The following ANK1 variants were observed in gnomAD, a reference collection of about 807,000 sequenced individuals.
ANK1 encodes the protein ankyrin-1.
A neutral mutation model predicts 210.4 loss-of-function variants in ANK1; 51 were observed. That is an observed-to-expected ratio of 0.24 (90% confidence interval 0.19 to 0.31). ANK1 has a LOEUF of 0.31. Ranked by LOEUF, ANK1 falls within the 10% of genes least tolerant of loss-of-function variation. The pLI is 1.00. For synonymous variants in ANK1, 967 were observed against 1,025.9 expected, an observed-to-expected ratio of 0.94 and a Z score of 1.10; for missense variants, 2,051 against 2,504.4, an observed-to-expected ratio of 0.82 and a Z score of 3.86.
intron 1 of ANK1, among the ~76,000 whole-genome samples, chr8:41,839,507 G>T (rs1245274386): frequency 1.3e-5 from 2 of 152,244 alleles, no homozygotes; most frequent in African/African-American, 4.8e-5. Flanking sequence ...GCAGGAAACA[G>T]GCTTGGCCTC....
rs768705634 is a variant in ANK1, at chr8:41,719,796, C to G, written c.972G>C (p.Leu324=). Residue 324 remains leucine (L), a synonymous_variant, in exon 10 of 43, where the codon CTG becomes CTC. Transcript: ENST00000289734. ...QGDHLDCVRL[L]LQYDAEIDDI... ...CGTCTATCTCTGCGTCGTATTGCAACAGGAGCCGGACACAGTCGAGGTGGT... is the reference window on the plus strand; with the variant it reads ...CGTCTATCTCTGCGTCGTATTGCAAGAGGAGCCGGACACAGTCGAGGTGGT... The G allele has an allele frequency of 6.2e-7, 1 of 1,614,206 alleles. No individual in the cohort carries two copies. The highest frequency in any genetic ancestry group is 2.2e-5 in the East Asian group (1 of 44,882).
At chr8:41,766,845 T>C (rs963758560) in intron 1 of ANK1, among the ~76,000 whole-genome samples, 15 of 152,184 alleles carry the variant, frequency 9.9e-5, no homozygotes, top group African/African-American at 3.6e-4. Context: ...TCCTGCTACC[T>C]GGGGGCCTCC....
chr8:41,693,830 AC>A lies in ANK1; in HGVS notation c.3532+67del, dbSNP rs1447408013. ...ATTGCTGGCCTCGCCTTCTCGAGTC[AC>A]CCCCCTACTGTGTTCCAGACGCACT... On this transcript the variant is annotated intron_variant, in intron 29 of 42. Coordinates refer to ENST00000289734, the MANE Select transcript of ANK1 (RefSeq NM_000037.4). The A allele has an allele frequency of 6.6e-6, 10 of 1,519,110 alleles. No homozygotes were observed. The East Asian group carries it at 7.3e-5, about 11-fold the overall frequency. 94.1% of individuals were successfully genotyped at this position (1,519,110 alleles called of 1,614,324 possible).
chr8:41,663,098 G>GTGTC (rs71548543), intron 40 of ANK1, among the ~76,000 whole-genome samples: 4 of 145,046 alleles, frequency 2.8e-5, no homozygotes, highest in African/African-American at 1.0e-4. Flanking sequence ...GTGTGTGTGT[G>GTGTC]TCTCTCTCTC....
At chr8:41,695,105 C>T in intron 27 of ANK1, 72 bp downstream of exon 27, 2 of 1,597,400 alleles carry the variant, frequency 1.3e-6, no homozygotes, top group Non-Finnish European at 1.7e-6. Flanking sequence ...CCCTCAAAGA[C>T]CACCTTTAAG....
chr8:41,773,681 C>T (rs974061669), intron 1 of ANK1, among the ~76,000 whole-genome samples: 1 of 152,170 alleles, frequency 6.6e-6, no homozygotes, highest in Admixed American at 6.5e-5. Flanking sequence ...TATCCGGCAT[C>T]TCCCCCTTCT....
intron 1 of ANK1, among the ~76,000 whole-genome samples, chr8:41,767,855 C>T (rs1425700575): frequency 6.6e-6 from 1 of 152,202 alleles, no homozygotes; most frequent in Non-Finnish European, 1.5e-5. Flanking sequence ...CTTGCCGAGA[C>T]GTGGCCGGGG....
chr8:41,844,439 G>A (rs1415899539), intron 1 of ANK1, among the ~76,000 whole-genome samples: 1 of 151,924 alleles, frequency 6.6e-6, no homozygotes, highest in Non-Finnish European at 1.5e-5. Context: ...AACCTCCATC[G>A]CCTGAGCCCC....
At chr8:41,663,546 G>T in intron 40 of ANK1, 113 bp downstream of exon 40, 2 of 1,076,160 alleles carry the variant, frequency 1.9e-6, no homozygotes, top group Non-Finnish European at 1.4e-6. Flanking sequence ...CAGCCAGCCT[G>T]GCTGTGCTCA....
At chr8:41,793,073 T>G (rs915070708) in intron 1 of ANK1, among the ~76,000 whole-genome samples, 20 of 151,830 alleles carry the variant, frequency 1.3e-4, no homozygotes, top group African/African-American at 4.8e-4. Flanking sequence ...ATTGTGGGAG[T>G]TCTGAATAAG....
intron 37 of ANK1, among the ~76,000 whole-genome samples, chr8:41,678,080 T>C (rs895848201): frequency 2.0e-5 from 3 of 152,212 alleles, no homozygotes; most frequent in Non-Finnish European, 4.4e-5. Flanking sequence ...ATCAAACTTG[T>C]TGGATCTATG....
At chr8:41,870,684 C>G (rs1385710663) in intron 1 of ANK1, among the ~76,000 whole-genome samples, 2 of 152,238 alleles carry the variant, frequency 1.3e-5, no homozygotes, top group Non-Finnish European at 2.9e-5. Context: ...AATGTTAGCC[C>G]ACTCAAAGCT....
At chr8:41,703,216 C>T (rs868589510) in intron 20 of ANK1, among the ~76,000 whole-genome samples, 2 of 151,628 alleles carry the variant, frequency 1.3e-5, no homozygotes, top group East Asian at 1.9e-4. Flanking sequence ...AAGCTCACAC[C>T]GAACGATGAT....
rs1173241811 is a variant in ANK1, at chr8:41,890,605, A to G, written c.126+5750T>C. 2.0e-5 allele frequency among the ~76,000 whole-genome samples: 3 copies of G among 150,828 alleles called. No individual in the cohort carries two copies. In the East Asian group the frequency reaches 6.0e-4, roughly 30 times the overall value. ...GCGCCTGTAGTCCCAGCTACTCTGG[A>G]GGCTGAGGCAGGAGAATCACCTGAA... On this transcript the variant is annotated intron_variant, in intron 1 of 42. Coordinates refer to the ANK1 transcript ENST00000265709.
chr8:41,826,556 G>A (rs965861139), intron 1 of ANK1, among the ~76,000 whole-genome samples: 14 of 152,030 alleles, frequency 9.2e-5, no homozygotes, highest in African/African-American at 3.1e-4. Context: ...CACCTCAGCC[G>A]GCCCTTCTCC....
chr8:41,870,151 C>A lies in ANK1; in HGVS notation c.126+26204G>T, dbSNP rs144424625. 2.4e-3 allele frequency among the ~76,000 whole-genome samples: 363 copies of A among 152,130 alleles called. 2 individuals are homozygous for A. Among genetic ancestry groups the A allele is most frequent in the African/African-American group, 8.3e-3 (343 of 41,498 alleles). ...CAACAGAGGGCCCCACCTCTGTGCC[C>A]CGAATGAAATGAAATGAGGAGGAGG... On this transcript the variant is annotated intron_variant, in intron 1 of 42. Coordinates refer to the ANK1 transcript ENST00000265709.
In ANK1 at chr8:41,655,657, A is replaced by G; in HGVS notation, c.*133T>C. 1 of 1,560,854 alleles carries G rather than the reference A, an allele frequency of 6.4e-7. No individual in the cohort carries two copies. Among genetic ancestry groups the G allele is most frequent in the Non-Finnish European group, 8.8e-7 (1 of 1,132,432 alleles). ...AGAGGTCATGCCGTCAGCCCAGAGG[A>G]ATGTGTGCACCGCTGCGGTGGCCCT... On this transcript the variant is annotated 3_prime_UTR_variant, in exon 43 of 43. Coordinates refer to ENST00000289734, the MANE Select transcript of ANK1 (RefSeq NM_000037.4).
intron 22 of ANK1, among the ~76,000 whole-genome samples, chr8:41,699,881 C>T (rs1297425085): frequency 6.6e-6 from 1 of 152,380 alleles, no homozygotes; most frequent in East Asian, 1.9e-4. Context: ...ACTGCTACTG[C>T]TCTTTTCCAC....
chr8:41,815,694 G>A (rs1017981907), intron 1 of ANK1, among the ~76,000 whole-genome samples: 2 of 152,028 alleles, frequency 1.3e-5, no homozygotes, highest in Non-Finnish European at 2.9e-5. Context: ...TATGTTATTA[G>A]AATTTTAAGA....
Sources: allele counts gnomAD v4.1 joint callset (sites outside exome capture counted in the v4.1 genomes callset), GRCh38; gene constraint gnomAD v4.1.1; transcripts MANE v1.5; gene names NCBI Gene and HGNC (gene_info 2026-07-23, HGNC 2026-07-21).